Variants in PPARGC1A observed in about 807,000 individuals in gnomAD.
PPARGC1A encodes PPARG coactivator 1 alpha.
A neutral mutation model predicts 88.7 loss-of-function variants in PPARGC1A; 25 were observed. The observed-to-expected ratio is 0.28, with a 90% CI of 0.21 to 0.39. The LOEUF (loss-of-function observed/expected upper bound fraction) is 0.39. Among genes scored for constraint, PPARGC1A ranks in the 10% least tolerant of loss-of-function variants. The pLI is 1.00. For missense variants in PPARGC1A, 880 were observed against 968.7 expected (o/e 0.91, Z 1.22); for synonymous variants, 363 against 355.6 (o/e 1.02, Z -0.24).
chr4:23,818,160 GCGTGTT>G (rs1416868170), intron 7 of PPARGC1A, among the ~76,000 whole-genome samples: 17 of 152,128 alleles, frequency 1.1e-4, no homozygotes, highest in Non-Finnish European at 2.4e-4. Context: ...ATTATTTCCT[GCGTGTT>G]GATTTTCTGG....
chr4:23,860,470 CA>C (rs1359952349), intron 2 of PPARGC1A, among the ~76,000 whole-genome samples: 2 of 151,678 alleles, frequency 1.3e-5, no homozygotes, highest in East Asian at 1.9e-4. Flanking sequence ...GCTCTTACTA[CA>C]AAAAAAAGTA....
chr4:23,879,851 A>T (rs903281585), intron 2 of PPARGC1A: 1 of 152,050 alleles, frequency 6.6e-6, no homozygotes. Context: ...GGTTCTCATG[A>T]CCCACCGTAA....
chr4:24,288,563 T>C, the PPARGC1A span, among the ~76,000 whole-genome samples: 1 of 152,200 alleles, frequency 6.6e-6, no homozygotes, highest in Non-Finnish European at 1.5e-5. Context: ...TGGAGGAAAA[T>C]GACATTTTTG....
chr4:24,063,855 G>A, the PPARGC1A span, among the ~76,000 whole-genome samples: 1 of 152,088 alleles, frequency 6.6e-6, no homozygotes, highest in Non-Finnish European at 1.5e-5. Flanking sequence ...CCTCTTCCCA[G>A]ACTCAGAATC....
the PPARGC1A span, among the ~76,000 whole-genome samples, chr4:24,404,881 T>G: frequency 2.0e-5 from 3 of 152,238 alleles, no homozygotes; most frequent in Non-Finnish European, 2.9e-5. Context: ...TTTTCCCTCC[T>G]GAGTAATATC....
the PPARGC1A span, among the ~76,000 whole-genome samples, chr4:24,074,570 C>T: frequency 6.6e-6 from 1 of 152,002 alleles, no homozygotes; most frequent in South Asian, 2.1e-4. Flanking sequence ...CTCACTTTTC[C>T]CCATGGAAGT....
At chr4:24,070,314 A>G in the PPARGC1A span, among the ~76,000 whole-genome samples, 10 of 152,202 alleles carry the variant, frequency 6.6e-5, no homozygotes, top group Admixed American at 5.9e-4. Context: ...ACACTATATC[A>G]GAATGCAGAA....
chr4:24,381,208 C>T, the PPARGC1A span, among the ~76,000 whole-genome samples: 10 of 152,124 alleles, frequency 6.6e-5, no homozygotes, highest in African/African-American at 9.7e-5. Context: ...AGGTAAGATA[C>T]GGGCCAAAAT....
chr4:23,819,321 C>G (rs559342217), intron 7 of PPARGC1A, among the ~76,000 whole-genome samples: 2 of 152,308 alleles, frequency 1.3e-5, no homozygotes, highest in South Asian at 2.1e-4. Context: ...TGGCTGGCCA[C>G]AGTCCATTTG....
chr4:23,909,209 A>G, the PPARGC1A span, among the ~76,000 whole-genome samples: 16 of 152,216 alleles, frequency 1.1e-4, no homozygotes, highest in African/African-American at 3.9e-4. Context: ...TTGAAATAAA[A>G]ACTAGACTCA....
chr4:24,470,269 CAG>C, the PPARGC1A span, among the ~76,000 whole-genome samples: 8 of 119,968 alleles, frequency 6.7e-5, no homozygotes, highest in Non-Finnish European at 9.0e-5. This position sits in a 1 kb window ranked among gnomAD's most constrained non-coding sequence, Gnocchi z 5.8. Flanking sequence ...GACTCATCGA[CAG>C]ACACAGACAC....
At chr4:24,062,136 T>TA in the PPARGC1A span, among the ~76,000 whole-genome samples, 1 of 152,134 alleles carries the variant, frequency 6.6e-6, no homozygotes, top group African/African-American at 2.4e-5. Context: ...CATTACTGAT[T>TA]AAAAACCTAA....
At chr4:24,377,224 T>G in the PPARGC1A span, among the ~76,000 whole-genome samples, 1 of 152,010 alleles carries the variant, frequency 6.6e-6, no homozygotes, top group African/African-American at 2.4e-5. Context: ...CAACATTAAT[T>G]TTATCACACT....
the PPARGC1A span, among the ~76,000 whole-genome samples, chr4:24,370,011 GATA>G: frequency 6.6e-6 from 1 of 152,308 alleles, no homozygotes; most frequent in Non-Finnish European, 1.5e-5. Context: ...TTGGCTTGGG[GATA>G]ATAAGCCTCT....
At chr4:24,092,394 C>T in the PPARGC1A span, among the ~76,000 whole-genome samples, 5 of 152,128 alleles carry the variant, frequency 3.3e-5, no homozygotes, top group African/African-American at 1.2e-4. Flanking sequence ...TGCCCTTCAC[C>T]CCTAGAGATT....
chr4:24,382,711 C>T, the PPARGC1A span, among the ~76,000 whole-genome samples: 1 of 152,156 alleles, frequency 6.6e-6, no homozygotes, highest in Admixed American at 6.5e-5. Flanking sequence ...TTAAGAAATA[C>T]TTTTTTCCAA....
chr4:24,439,929 T>C, the PPARGC1A span, among the ~76,000 whole-genome samples: 2 of 152,214 alleles, frequency 1.3e-5, no homozygotes, highest in Admixed American at 6.5e-5. Context: ...AAAGGAATTC[T>C]TCCAAAAGAG....
chr4:24,275,190 C>T, the PPARGC1A span, among the ~76,000 whole-genome samples: 1 of 144,442 alleles, frequency 6.9e-6, no homozygotes, highest in Non-Finnish European at 1.5e-5. Context: ...TTTGTCTGTA[C>T]AATCAAGTAA....
chr4:24,470,311 C>CAT, the PPARGC1A span, among the ~76,000 whole-genome samples: 3 of 149,140 alleles, frequency 2.0e-5, no homozygotes, highest in South Asian at 6.5e-4. This position sits in a 1 kb window ranked among gnomAD's most constrained non-coding sequence, Gnocchi z 5.8. Context: ...CACACACACA[C>CAT]ACACACACAC....
Sources: gnomAD v4.1 joint callset for allele counts (sites outside exome capture counted in the v4.1 genomes callset) on GRCh38, gnomAD v4.1.1 for gene constraint, Gnocchi (gnomAD v3.1) non-coding constraint, MANE v1.5 for transcripts, NCBI Gene and HGNC (gene_info 2026-07-23, HGNC 2026-07-21) for gene names.